EVA1C: variants seen among roughly 807,000 people sequenced by gnomAD.
EVA1C encodes the protein protein eva-1 homolog C.
In EVA1C, 25 loss-of-function variants were observed where a neutral mutation model predicts 45.4. That is an observed-to-expected ratio of 0.55 (90% confidence interval 0.40 to 0.77). The LOEUF (loss-of-function observed/expected upper bound fraction) is 0.77. Ranked by LOEUF, EVA1C falls within the 30% of genes least tolerant of loss-of-function variation. EVA1C has a pLI of 0.00. For synonymous variants in EVA1C, 190 were observed against 221.2 expected, an observed-to-expected ratio of 0.86 and a Z score of 1.25; for missense variants, 479 against 554.8, an observed-to-expected ratio of 0.86 and a Z score of 1.37.
intron 4 of EVA1C, among the ~76,000 whole-genome samples, chr21:32,479,378 G>A (rs1452211634): frequency 2.0e-5 from 3 of 152,182 alleles, no homozygotes; most frequent in South Asian, 4.1e-4. Flanking sequence ...AGCTGAGATC[G>A]TGCCACTGCA....
intron 4 of EVA1C, among the ~76,000 whole-genome samples, chr21:32,488,506 G>C (rs1258134523): frequency 1.3e-5 from 2 of 151,918 alleles, no homozygotes; most frequent in Non-Finnish European, 2.9e-5. Context: ...TAACAGGTGT[G>C]AGATGGTATC....
chr21:32,515,308 C>T lies in EVA1C; in HGVS notation c.*118C>T. ...GGAGAATTCGTCATGTCATTCAACA[C>T]TCGTGAGGCCAGGAAGCTATTAAAG... On this transcript the variant is annotated 3_prime_UTR_variant, in exon 8 of 8. Coordinates refer to ENST00000300255, the MANE Select transcript of EVA1C (RefSeq NM_058187.5). The T allele has an allele frequency of 1.8e-6, 2 of 1,125,876 alleles. No individual in the cohort carries two copies. 69.7% of individuals were successfully genotyped at this position (1,125,876 alleles called of 1,614,324 possible). A position where few individuals can be genotyped will look rare whatever the true frequency, so the allele number is the denominator to read the frequency against.
chr21:32,435,627 G>A (rs895944327), intron 1 of EVA1C, among the ~76,000 whole-genome samples: 5 of 152,134 alleles, frequency 3.3e-5, no homozygotes, highest in African/African-American at 7.2e-5. Context: ...ATATGCCCAC[G>A]ACCAACCCCT....
At chr21:32,502,000 CTTTCT>C (rs2037552501) in intron 6 of EVA1C, among the ~76,000 whole-genome samples, 11 of 56,638 alleles carry the variant, frequency 1.9e-4, no homozygotes, top group Admixed American at 1.1e-3. Flanking sequence ...TTCTTTCTTT[CTTTCT>C]TTCTTTCTTT....
At chr21:32,446,019 G>C (rs1016682295) in intron 1 of EVA1C, among the ~76,000 whole-genome samples, 10 of 152,204 alleles carry the variant, frequency 6.6e-5, no homozygotes, top group African/African-American at 2.4e-4. Flanking sequence ...TGAGGCGGGA[G>C]GATCACCTGA....
At chr21:32,499,485 G>A (rs1018556339) in intron 5 of EVA1C, among the ~76,000 whole-genome samples, 12 of 152,176 alleles carry the variant, frequency 7.9e-5, no homozygotes, top group African/African-American at 2.7e-4. Context: ...CTGCTGATGG[G>A]CATGAAGGCG....
chr21:32,434,667 G>A (rs1038959343), intron 1 of EVA1C, among the ~76,000 whole-genome samples: 10 of 151,812 alleles, frequency 6.6e-5, no homozygotes, highest in Non-Finnish European at 1.3e-4. Flanking sequence ...TATGGAAAGG[G>A]GAAATTTTGG....
intron 7 of EVA1C, among the ~76,000 whole-genome samples, chr21:32,505,510 G>A (rs1481891415): frequency 6.6e-6 from 1 of 152,184 alleles, no homozygotes; most frequent in Non-Finnish European, 1.5e-5. Flanking sequence ...AGTGAGCTGT[G>A]GCCTTGCTGT....
At chr21:32,507,097 C>T (rs1405047192) in intron 7 of EVA1C, among the ~76,000 whole-genome samples, 1 of 152,130 alleles carries the variant, frequency 6.6e-6, no homozygotes, top group Non-Finnish European at 1.5e-5. Context: ...AGGTTTGTCC[C>T]CTGATATTAA....
At chr21:32,414,332 T>G (rs1011683089) in intron 1 of EVA1C, among the ~76,000 whole-genome samples, 1 of 152,188 alleles carries the variant, frequency 6.6e-6, no homozygotes, top group Admixed American at 6.5e-5. Flanking sequence ...AGAACTTTCT[T>G]GGCTGCTAGA....
intron 1 of EVA1C, among the ~76,000 whole-genome samples, chr21:32,445,835 A>T (rs1412068116): frequency 6.6e-6 from 1 of 152,234 alleles, no homozygotes; most frequent in Non-Finnish European, 1.5e-5. Flanking sequence ...TACCCATGGC[A>T]GTAGCTATAA....
At chr21:32,505,488 G>A (rs187852917) in intron 7 of EVA1C, among the ~76,000 whole-genome samples, 15 of 152,314 alleles carry the variant, frequency 9.8e-5, no homozygotes, top group Non-Finnish European at 1.6e-4. Context: ...GAACGAGACC[G>A]ACATTGCGCT....
chr21:32,418,158 C>G (rs1296522646), intron 1 of EVA1C, among the ~76,000 whole-genome samples: 2 of 152,204 alleles, frequency 1.3e-5, no homozygotes, highest in African/African-American at 4.8e-5. Flanking sequence ...ACCCTTCCCT[C>G]TGCATTTCAT....
At position 32,412,833 on chromosome 21, in the gene EVA1C, C is replaced by T. The variant is rs959993287; in HGVS notation, c.-21C>T. On this transcript the variant is annotated 5_prime_UTR_variant, in exon 1 of 8. Transcript: ENST00000300255. ...CCAGCGCGTCCCGGGCCTGCGCCTC[C>T]GCCCCGCCGCGCAGCGCACGATGCT... 4 of 1,407,470 alleles carry T rather than the reference C, an allele frequency of 2.8e-6. No homozygotes were observed. Among genetic ancestry groups the T allele is most frequent in the Admixed American group, 3.2e-5 (1 of 31,056 alleles). The allele number at this position is 1,407,470 out of a possible 1,614,324, so 87.2% of individuals were successfully genotyped here.
At chr21:32,499,501 G>A (rs1414233679) in intron 5 of EVA1C, among the ~76,000 whole-genome samples, 2 of 152,160 alleles carry the variant, frequency 1.3e-5, no homozygotes, top group African/African-American at 4.8e-5. Flanking sequence ...AGGCGCCAGG[G>A]CCTCCTGTAC....
At chr21:32,511,072 C>T (rs1241622377) in intron 7 of EVA1C, among the ~76,000 whole-genome samples, 1 of 146,738 alleles carries the variant, frequency 6.8e-6, no homozygotes, top group Non-Finnish European at 1.5e-5. Context: ...TATATGTATA[C>T]ACAATATATT....
intron 1 of EVA1C, among the ~76,000 whole-genome samples, chr21:32,437,016 C>T (rs1220259977): frequency 1.3e-5 from 2 of 152,080 alleles, no homozygotes; most frequent in Non-Finnish European, 2.9e-5. Flanking sequence ...AAAAATTAGC[C>T]GGGCGTGGTG....
chr21:32,502,563 G>T (rs2037594697), intron 6 of EVA1C, among the ~76,000 whole-genome samples: 1 of 152,060 alleles, frequency 6.6e-6, no homozygotes, highest in Non-Finnish European at 1.5e-5. Context: ...GTTAGGCTGT[G>T]GTGAGAGTTT....
intron 1 of EVA1C, among the ~76,000 whole-genome samples, chr21:32,416,621 A>C (rs1279378868): frequency 1.3e-5 from 2 of 151,670 alleles, no homozygotes; most frequent in African/African-American, 4.8e-5. Flanking sequence ...GAGCCACCGC[A>C]CCCAGCCTCT....
Sources: gnomAD v4.1 joint callset for allele counts (sites outside exome capture counted in the v4.1 genomes callset) on GRCh38, gnomAD v4.1.1 for gene constraint, MANE v1.5 for transcripts, NCBI Gene and HGNC (gene_info 2026-07-23, HGNC 2026-07-21) for gene names.